Variants in GPX4 observed in about 807,000 individuals in gnomAD.
GPX4 encodes the protein phospholipid hydroperoxide glutathione peroxidase GPX4.
GPX4 carries 28 observed loss-of-function variants against 27.8 expected under a neutral mutation model. The observed-to-expected ratio is 1.01, with a 90% CI of 0.75 to 1.38. GPX4 has a LOEUF of 1.38. Ranked by LOEUF, GPX4 falls within the 40% of genes most tolerant of loss-of-function variation. The pLI, the probability that GPX4 is intolerant of heterozygous loss-of-function variation, is 0.00. For missense variants in GPX4, 357 were observed against 274.1 expected, an observed-to-expected ratio of 1.30 and a Z score of -2.14; for synonymous variants, 163 against 107.8, an observed-to-expected ratio of 1.51 and a Z score of -3.17.
At chr19:1,104,198 G>C in intron 1 of GPX4, 71 bp downstream of exon 1, 1 of 1,269,914 alleles carries the variant, frequency 7.9e-7, no homozygotes, top group Non-Finnish European at 1.0e-6. Flanking sequence ...GCCTCCGCTC[G>C]CCGGCGTGGG....
rs1163055709 is a variant in GPX4, at chr19:1,104,084, T to C, written c.41T>C (p.Leu14Pro). The C allele has an allele frequency of 6.6e-7, 1 of 1,516,260 alleles. No homozygotes were observed. Among genetic ancestry groups the C allele is most frequent in the Non-Finnish European group, 8.8e-7 (1 of 1,138,884 alleles). 93.9% of individuals were successfully genotyped at this position (1,516,260 alleles called of 1,614,324 possible). Residue 14 changes from leucine (L) to proline (P), a missense_variant, in exon 1 of 7, where the codon CTG (leucine) becomes CCG (proline). Leu to Pro is a moderately conservative substitution (Grantham distance 98, BLOSUM62 -3). Coordinates refer to ENST00000354171, the MANE Select transcript of GPX4 (RefSeq NM_002085.5). ...GRLCRLLKPA[L>P]LCGALAAPGL... ...CTTTGCCGCCTACTGAAGCCGGCGC[T>C]GCTCTGTGGGGCTCTGGCCGCGCCT...
chr19:1,106,251 G>C lies in GPX4; in HGVS notation c.486G>C (p.Lys162Asn). The C allele has an allele frequency of 6.2e-7, 1 of 1,606,700 alleles. No individual in the cohort carries two copies. The highest frequency in any genetic ancestry group is 2.2e-5 in the East Asian group (1 of 44,786). Residue 162 changes from lysine (K) to asparagine (N), a missense_variant, in exon 5 of 7, where the codon AAG becomes AAC. Physicochemically the swap from Lys to Asn is moderately conservative, Grantham distance 94. Coordinates refer to ENST00000354171, the MANE Select transcript of GPX4 (RefSeq NM_002085.5). ...KGKGILGNAI[K>N]WNFTKFLIDK... ...TGTGCTTCTTTTCCAGTGCCATCAAGTGGAACTTCACCAAGGTAAGGGGGC... is the reference window on the plus strand; with the variant it reads ...TGTGCTTCTTTTCCAGTGCCATCAACTGGAACTTCACCAAGGTAAGGGGGC...
intron 1 of GPX4, 104 bp downstream of exon 1, chr19:1,104,231 T>G (rs541597371): frequency 1.9e-6 from 2 of 1,044,112 alleles, no homozygotes; most frequent in Admixed American, 8.3e-5. Flanking sequence ...TCCAGTGACC[T>G]TGGTGGGGGG....
chr19:1,106,369 G>A, intron 5 of GPX4, 31 bp from the exon 6 acceptor site: 1 of 1,613,134 alleles, frequency 6.2e-7, no homozygotes, highest in South Asian at 1.1e-5. Context: ...TGCAGGGGTG[G>A]CCCCACAGTT....
intron 4 of GPX4, 129 bp from the exon 5 acceptor site, chr19:1,106,113 G>C (rs904429471): frequency 4.3e-5 from 37 of 869,370 alleles, no homozygotes; most frequent in Non-Finnish European, 6.1e-5. Context: ...GCTCTGGGGG[G>C]GCTTGGGGGC....
chr19:1,106,021 G>T, intron 4 of GPX4: 1 of 713,510 alleles, frequency 1.4e-6, no homozygotes, highest in Non-Finnish European at 2.3e-6. Flanking sequence ...ACACCTTTGT[G>T]GCCTCCTGGG....
chr19:1,105,850 G>A, intron 4 of GPX4, 41 bp downstream of exon 4: 2 of 1,493,818 alleles, frequency 1.3e-6, no homozygotes, highest in Non-Finnish European at 1.8e-6. Context: ...TGGGGTGGGG[G>A]TGGGGGGGCT....
At chr19:1,106,312 G>C (rs958927117) in intron 5 of GPX4, 46 bp downstream of exon 5, 47 of 1,607,562 alleles carry the variant, frequency 2.9e-5, no homozygotes, top group Non-Finnish European at 4.0e-5. Flanking sequence ...CCTGGCCACA[G>C]CCGTGGCCCA....
chr19:1,105,258 A>T lies in GPX4; in HGVS notation c.157A>T (p.Met53Leu), dbSNP rs762792092. ...TTCCGCCAAGGACATCGACGGGCACATGGTTAACCTGGACAAGTACCGGTG... is the reference window on the plus strand; with the variant it reads ...TTCCGCCAAGGACATCGACGGGCACTTGGTTAACCTGGACAAGTACCGGTG... Reference protein sequence around the residue: ...EFSAKDIDGHMVNLDKYRGFV... With the variant: ...EFSAKDIDGHLVNLDKYRGFV... Residue 53 changes from methionine to leucine, a missense_variant, in exon 2 of 7, where the codon ATG becomes TTG. Met to Leu is a conservative substitution (Grantham distance 15). Transcript: ENST00000354171. 1 of 1,612,976 alleles carries T rather than the reference A, an allele frequency of 6.2e-7. No homozygotes were observed. The highest frequency in any genetic ancestry group is 1.7e-5 in the Admixed American group (1 of 60,018).
rs1191146192 is a variant in GPX4, at chr19:1,105,641, C to CG, written c.325-17_325-16insG. The CG allele has an allele frequency of 6.2e-7, 1 of 1,611,372 alleles. No homozygotes were observed. The highest frequency in any genetic ancestry group is 8.5e-7 in the Non-Finnish European group (1 of 1,179,046). On this transcript the variant is annotated splice_polypyrimidine_tract_variant and intron_variant, in intron 3 of 6. Transcript: ENST00000354171. Reference sequence around the variant, plus strand: ...GGTGCCAGCCCCCGACTCACTCACACACCTTGGCCGCCACAGGAGCCAGGG... The same window carrying CG: ...GGTGCCAGCCCCCGACTCACTCACACGACCTTGGCCGCCACAGGAGCCAGGG...
Position 1,106,688 on chromosome 19 carries a change from T to C in GPX4, c.*116T>C, listed in dbSNP as rs1442610139. 32 of 1,406,594 alleles carry C rather than the reference T, an allele frequency of 2.3e-5. No individual in the cohort carries two copies. Among genetic ancestry groups the C allele is most frequent in the Non-Finnish European group, 3.0e-5 (31 of 1,025,676 alleles). 87.1% of individuals were successfully genotyped at this position (1,406,594 alleles called of 1,614,324 possible). On this transcript the variant is annotated 3_prime_UTR_variant, in exon 7 of 7. Coordinates refer to ENST00000354171, the MANE Select transcript of GPX4 (RefSeq NM_002085.5). ...GTGGGGCAGACCCGAAAATCCAGCG[T>C]GCACCCCGCCGGAGGAAGGTCCCAT...
At chr19:1,106,193 A>G in intron 4 of GPX4, 49 bp from the exon 5 acceptor site, 1 of 1,498,664 alleles carries the variant, frequency 6.7e-7, no homozygotes, top group Non-Finnish European at 9.0e-7. Context: ...CAGCTTGGGG[A>G]CTGTGGGGGG....
intron 1 of GPX4, 27 bp from the exon 2 acceptor site, chr19:1,105,159 C>G: frequency 1.1e-5 from 18 of 1,611,350 alleles, no homozygotes; most frequent in Non-Finnish European, 1.5e-5. Context: ...CGTCCACGCT[C>G]CCTGCTCAGC....
Position 1,105,072 on chromosome 19 carries a change from G to A in GPX4, c.85-114G>A, listed in dbSNP as rs1281163511. The A allele has an allele frequency of 2.7e-6, 4 of 1,486,844 alleles. No homozygotes were observed. The East Asian group carries it at 7.3e-5, about 27-fold the overall frequency. The allele number at this position is 1,486,844 out of a possible 1,614,324, so 92.1% of individuals were successfully genotyped here. A position where few individuals can be genotyped will look rare whatever the true frequency, so the allele number is the denominator to read the frequency against. On this transcript the variant is annotated intron_variant, in intron 1 of 6. Transcript: ENST00000354171. ...GGAGGAGGAGCGTTCAGGTCTTCAG[G>A]GCCGCAGGGCCTCGGTGTCCCCGCC...
chr19:1,104,586 ACGCGCCCCCGGGCGCCG>A, intron 1 of GPX4: 1 of 970,848 alleles, frequency 1.0e-6, no homozygotes, highest in Non-Finnish European at 1.2e-6. Context: ...ATCCCGGATC[ACGCGCCCCCGGGCGCCG>A]CCCCGCCCCC....
intron 2 of GPX4, 21 bp downstream of exon 2, chr19:1,105,301 G>A: frequency 6.2e-7 from 1 of 1,612,828 alleles, no homozygotes. Flanking sequence ...GCCTGGGGTG[G>A]GGCGCGGGGT....
rs745797291 is a variant in GPX4 at position 1,106,408 on chromosome 19, C to A, written c.510C>A (p.Ile170=). The change falls in exon 6 of 7, where the codon ATC becomes ATA. Residue 170 remains isoleucine, a synonymous_variant. Transcript: ENST00000354171. ...ACACCGTCTCTCCACAGTTCCTCAT[C>A]GACAAGAACGGCTGCGTGGTGAAGC... ...AIKWNFTKFL[I]DKNGCVVKRY... 1 of 1,613,540 alleles carries A rather than the reference C, an allele frequency of 6.2e-7. No individual in the cohort carries two copies. Among genetic ancestry groups the A allele is most frequent in the East Asian group, 2.2e-5 (1 of 44,856 alleles).
chr19:1,104,645 C>G, intron 1 of GPX4: 2 of 985,412 alleles, frequency 2.0e-6, no homozygotes, highest in Non-Finnish European at 2.4e-6. Flanking sequence ...GCGTCACAGT[C>G]GCGCAGTCCT....
intron 6 of GPX4, 31 bp from the exon 7 acceptor site, chr19:1,106,509 G>T (rs776252514): frequency 6.2e-7 from 1 of 1,610,464 alleles, no homozygotes. Flanking sequence ...TTGGGAGGTA[G>T]CTGCCCTAAC....
Sources: gnomAD v4.1 joint callset for allele counts on GRCh38, gnomAD v4.1.1 for gene constraint, MANE v1.5 for transcripts, NCBI Gene and HGNC (gene_info 2026-07-23, HGNC 2026-07-21) for gene names.